PLEKHG2: variants seen among roughly 807,000 people sequenced by gnomAD.
PLEKHG2 encodes the protein pleckstrin homology domain-containing family G member 2.
PLEKHG2 carries 71 observed loss-of-function variants against 104.4 expected under a neutral mutation model. The ratio of observed to expected loss-of-function variants is 0.68; its 90% CI spans 0.56 to 0.83. The LOEUF is 0.83. Among genes scored for constraint, PLEKHG2 ranks in the 40% least tolerant of loss-of-function variants. The pLI is 0.00. For missense variants in PLEKHG2, 1,730 were observed against 1,809.4 expected, an observed-to-expected ratio of 0.96 and a Z score of 0.80; for synonymous variants, 728 against 737.0, an observed-to-expected ratio of 0.99 and a Z score of 0.20.
At chr19:39,419,613 C>T (rs1164020000) in intron 11 of PLEKHG2, among the ~76,000 whole-genome samples, 1 of 152,116 alleles carries the variant, frequency 6.6e-6, no homozygotes, top group African/African-American at 2.4e-5. Context: ...CGCGGTGGCT[C>T]ATGCCTGTAA....
intron 17 of PLEKHG2, 37 bp downstream of exon 17, chr19:39,422,325 C>G (rs928477737): frequency 6.3e-7 from 1 of 1,592,882 alleles, no homozygotes; most frequent in Admixed American, 1.7e-5. Flanking sequence ...CCTTGGGCCT[C>G]TGGGTGTGGG....
chr19:39,424,244 T>C lies in PLEKHG2; in HGVS notation c.3111T>C (p.Pro1037=), dbSNP rs2078748164. ...ATTTCACAGTTTCAGTCACCACCCCTGTGCCCAAGCAAGAAGGTCACCTAG... is the reference window on the plus strand; with the variant it reads ...ATTTCACAGTTTCAGTCACCACCCCCGTGCCCAAGCAAGAAGGTCACCTAG... The part of the protein sequence containing the change: ...CSDFTVSVTT[P]VPKQEGHLDS... The change falls in exon 19 of 19, where the codon CCT becomes CCC. Residue 1037 remains proline, a synonymous_variant. Transcript: ENST00000425673. 2.5e-6 allele frequency: 4 copies of C among 1,614,150 alleles called. No individual in the cohort carries two copies. The highest frequency in any genetic ancestry group is 3.4e-6 in the Non-Finnish European group (4 of 1,180,026).
In PLEKHG2 at chr19:39,421,313, C is replaced by G. The variant is rs200497858; in HGVS notation, c.1503+14C>G. 2 of 1,612,932 alleles carry G rather than the reference C, an allele frequency of 1.2e-6. No homozygotes were observed. Among genetic ancestry groups the G allele is most frequent in the Non-Finnish European group, 1.7e-6 (2 of 1,179,008 alleles). The stretch of plus-strand genomic sequence containing the variant: ...CCTGGATTCAAGGTAAGAGATATCT[C>G]GAGATAGGGTCTGGGCACCTTGACT... On this transcript the variant is annotated intron_variant, in intron 16 of 18. Coordinates refer to ENST00000425673, the MANE Select transcript of PLEKHG2 (RefSeq NM_022835.3).
intron 11 of PLEKHG2, among the ~76,000 whole-genome samples, 186 bp downstream of exon 11, chr19:39,419,189 G>A (rs1333676880): frequency 6.6e-6 from 1 of 152,232 alleles, no homozygotes; most frequent in Non-Finnish European, 1.5e-5. Flanking sequence ...CCTTGGGCAA[G>A]TAACTTAACC....
At chr19:39,419,224 T>C (rs550031793) in intron 11 of PLEKHG2, among the ~76,000 whole-genome samples, 117 of 152,308 alleles carry the variant, frequency 7.7e-4, no homozygotes, top group Non-Finnish European at 1.5e-3. Flanking sequence ...CTTCCTCACC[T>C]AGAGGAATGA....
intron 9 of PLEKHG2, 114 bp from the exon 10 acceptor site, chr19:39,418,619 TG>T (rs2078647594): frequency 2.6e-6 from 2 of 765,284 alleles, no homozygotes; most frequent in South Asian, 3.4e-5. Context: ...TACAGCCTTA[TG>T]GGATGCATCT....
chr19:39,421,008 C>T lies in PLEKHG2; in HGVS notation c.1447+12C>T. Reference sequence around the variant, plus strand: ...CCGCAGGCAGTCTGGTGAGCACTCACCCCTAAGGGTGATCCAGGCATCGGG... The same window carrying T: ...CCGCAGGCAGTCTGGTGAGCACTCATCCCTAAGGGTGATCCAGGCATCGGG... On this transcript the variant is annotated intron_variant, in intron 14 of 18. Transcript: ENST00000425673. The T allele has an allele frequency of 1.2e-6, 2 of 1,614,104 alleles. No homozygotes were observed. Among genetic ancestry groups the T allele is most frequent in the South Asian group, 1.1e-5 (1 of 91,080 alleles).
At chr19:39,418,203 C>T in intron 9 of PLEKHG2, 98 bp downstream of exon 9, 6 of 1,094,446 alleles carry the variant, frequency 5.5e-6, no homozygotes, top group Non-Finnish European at 6.0e-6. Context: ...GGGGACCCTG[C>T]CACATTTTCT....
rs751766011 is a variant in PLEKHG2, at chr19:39,427,858, T to A, written c.*2564T>A. 5 of 152,634 alleles carry A rather than the reference T, an allele frequency of 3.3e-5. No individual in the cohort carries two copies. The highest frequency in any genetic ancestry group is 5.9e-5 in the Non-Finnish European group (4 of 68,094). 9.5% of individuals were successfully genotyped at this position (152,634 alleles called of 1,614,324 possible). The stretch of plus-strand genomic sequence containing the variant: ...TTGCCTAGTCGCACAGCTAGGAAGG[T>A]GCAGCACTGAGACTCGAATCCACAC... On this transcript the variant is annotated 3_prime_UTR_variant, in exon 19 of 19. Transcript: ENST00000425673.
In PLEKHG2 at chr19:39,425,147, G is replaced by A. The variant is rs764528565; in HGVS notation, c.4014G>A (p.Thr1338=). 1.7e-5 allele frequency: 27 copies of A among 1,592,078 alleles called. No individual in the cohort carries two copies. The highest frequency in any genetic ancestry group is 6.8e-5 in the South Asian group (6 of 88,260). The change falls in exon 19 of 19, where the codon ACG becomes ACA. Residue 1338 remains threonine, a synonymous_variant. Coordinates refer to ENST00000425673, the MANE Select transcript of PLEKHG2 (RefSeq NM_022835.3). Reference sequence around the variant, plus strand: ...CCAGGCGGCTCAGCTATGCCACGACGGTTAACATCCACGTGGGCGGGGGTG... The same window carrying A: ...CCAGGCGGCTCAGCTATGCCACGACAGTTAACATCCACGTGGGCGGGGGTG... ...PPARRLSYAT[T]VNIHVGGGGR...
rs762784102 is a variant in PLEKHG2, at chr19:39,423,142, A to G, written c.2088A>G (p.Gln696=). 1.2e-6 allele frequency: 2 copies of G among 1,613,762 alleles called. No individual in the cohort carries two copies. The highest frequency in any genetic ancestry group is 2.7e-5 in the African/African-American group (2 of 74,906). Residue 696 remains glutamine, a synonymous_variant, in exon 18 of 19, where the codon CAA becomes CAG. Coordinates refer to ENST00000425673, the MANE Select transcript of PLEKHG2 (RefSeq NM_022835.3). ...TPTLSCDSWL[Q]GPLQEPAEAP... is the part of the protein sequence containing the mutation. ...CCCTCTCCTGTGACTCCTGGCTCCA[A>G]GGGCCTCTGCAGGAACCAGCTGAGG...
chr19:39,416,402 C>T lies in PLEKHG2; in HGVS notation c.534C>T (p.Cys178=). Residue 178 remains cysteine (C), a synonymous_variant, in exon 5 of 19, where the codon TGC becomes TGT. Coordinates refer to ENST00000425673, the MANE Select transcript of PLEKHG2 (RefSeq NM_022835.3). The surrounding 1 kb of genome is among the most constrained non-coding windows in gnomAD (Gnocchi z 4.5). ...GCAGCGCCGGGGGTATTGCCGAGTG[C>T]TTCGTGCAGAGGGTGAGTGGAGGGG... ...NSSSAGGIAE[C]FVQRSEDFDI... 3 of 1,612,844 alleles carry T rather than the reference C, an allele frequency of 1.9e-6. No homozygotes were observed. The African/African-American group carries it at 4.0e-5, about 22-fold the overall frequency.
chr19:39,425,557 A>C lies in PLEKHG2; in HGVS notation c.*263A>C, dbSNP rs1048737534. The C allele has an allele frequency of 7.7e-6, 4 of 516,952 alleles. No individual in the cohort carries two copies. Among genetic ancestry groups the C allele is most frequent in the Non-Finnish European group, 1.3e-5 (4 of 314,068 alleles). 32.0% of individuals were successfully genotyped at this position (516,952 alleles called of 1,614,324 possible). A position where few individuals can be genotyped will look rare whatever the true frequency, so the allele number is the denominator to read the frequency against. On this transcript the variant is annotated 3_prime_UTR_variant, in exon 19 of 19. Coordinates refer to ENST00000425673, the MANE Select transcript of PLEKHG2 (RefSeq NM_022835.3). ...CATTCTGGAGGCTGTGGGAGATGAC[A>C]AGACAATGAATGGGAAGGTCTGACA...
At position 39,415,801 on chromosome 19, in the gene PLEKHG2, A is replaced by G. The variant is rs2078594970; in HGVS notation, c.479+362A>G. ...CAGGACGAGTCCTTGGGGCTGTGTC[A>G]GGTCTGGGCTCACGATGAATCCAAG... On this transcript the variant is annotated intron_variant, in intron 4 of 18. Transcript: ENST00000425673. This position sits in a 1 kb window ranked among gnomAD's most constrained non-coding sequence, Gnocchi z 4.6. Among the ~76,000 whole-genome samples the G allele has an allele frequency of 6.6e-6, 1 of 152,180 alleles. No individual in the cohort carries two copies. The highest frequency in any genetic ancestry group is 6.5e-5 in the Admixed American group (1 of 15,294).
Position 39,422,908 on chromosome 19 carries a change from C to G in PLEKHG2, c.1854C>G (p.Leu618=). ...GPSPLHVLEG[L]ESSIAAEMPS... is the part of the protein sequence containing the mutation. ...CCCCACTCCACGTCCTGGAAGGGCT[C>G]GAAAGTTCCATTGCAGCTGAAATGC... The change falls in exon 18 of 19, where the codon CTC becomes CTG. Residue 618 remains leucine, a synonymous_variant. Transcript: ENST00000425673. 1.9e-6 allele frequency: 3 copies of G among 1,605,580 alleles called. No homozygotes were observed. Among genetic ancestry groups the G allele is most frequent in the South Asian group, 2.2e-5 (2 of 89,822 alleles).
Position 39,415,226 on chromosome 19 carries a change from G to A in PLEKHG2, c.344G>A (p.Arg115Gln), listed in dbSNP as rs149780650. The change falls in exon 3 of 19, where the codon CGG becomes CAG. Residue 115 changes from arginine to glutamine, a missense_variant. Arg to Gln is a conservative substitution (Grantham distance 43, BLOSUM62 1). Coordinates refer to ENST00000425673, the MANE Select transcript of PLEKHG2 (RefSeq NM_022835.3). This position sits in a 1 kb window ranked among gnomAD's most constrained non-coding sequence, Gnocchi z 4.6. ...GCCCGGGAGATCGTGGAGACAGAAC[G>A]GGCCTATGTCAGGGACCTCCGCAGC... Reference protein sequence around the residue: ...RVAREIVETERAYVRDLRSIV... With the variant: ...RVAREIVETEQAYVRDLRSIV... The A allele has an allele frequency of 2.7e-5, 42 of 1,584,140 alleles. No individual in the cohort carries two copies. The highest frequency in any genetic ancestry group is 4.6e-5 in the East Asian group (2 of 43,088).
At chr19:39,417,752 C>CCTGGGGGGG in intron 8 of PLEKHG2, 60 bp downstream of exon 8, 1 of 375,776 alleles carries the variant, frequency 2.7e-6, no homozygotes, top group Non-Finnish European at 3.9e-6. Flanking sequence ...GGCCTTGGGG[C>CCTGGGGGGG]GGGTGGGGGG....
In PLEKHG2 at chr19:39,415,994, G is replaced by T. The variant is rs1262903153; in HGVS notation, c.480-354G>T. ...GTCACTGTGGTAAGGAGGACTCTGG[G>T]GTCCAAGGATCATGACATTTCCAAG... On this transcript the variant is annotated intron_variant, in intron 4 of 18. Coordinates refer to ENST00000425673, the MANE Select transcript of PLEKHG2 (RefSeq NM_022835.3). The surrounding 1 kb of genome is among the most constrained non-coding windows in gnomAD (Gnocchi z 4.6). Among the ~76,000 whole-genome samples the T allele has an allele frequency of 6.6e-6, 1 of 152,092 alleles. No individual in the cohort carries two copies. The highest frequency in any genetic ancestry group is 1.5e-5 in the Non-Finnish European group (1 of 68,018).
In PLEKHG2 at chr19:39,412,817, T is replaced by C. The variant is rs942745631; in HGVS notation, c.-618T>C. On this transcript the variant is annotated 5_prime_UTR_variant, in exon 1 of 19. Transcript: ENST00000425673. ...GACCCCGGCGCCCAGGCTGGAGGAC[T>C]TGAGCCATCCAGGTGCGCAGCGCCC... 8 of 152,100 alleles carry C rather than the reference T, an allele frequency of 5.3e-5. No homozygotes were observed. Among genetic ancestry groups the C allele is most frequent in the African/African-American group, 1.9e-4 (8 of 41,406 alleles). The allele number at this position is 152,100 out of a possible 1,614,324, so 9.4% of individuals were successfully genotyped here.
Sources: gnomAD v4.1 joint callset for allele counts (sites outside exome capture counted in the v4.1 genomes callset) on GRCh38, gnomAD v4.1.1 for gene constraint, Gnocchi (gnomAD v3.1) non-coding constraint, MANE v1.5 for transcripts, NCBI Gene and HGNC (gene_info 2026-07-23, HGNC 2026-07-21) for gene names.